DENND2A: variants seen among roughly 807,000 people sequenced by gnomAD.
The protein encoded by DENND2A is DENN domain-containing protein 2A.
Under a neutral mutation model 105.3 loss-of-function variants are expected in DENND2A, and 53 were observed. The ratio of observed to expected loss-of-function variants is 0.50; its 90% confidence interval spans 0.40 to 0.63. The LOEUF (loss-of-function observed/expected upper bound fraction) is 0.63. Ranked by LOEUF, DENND2A falls within the 30% of genes least tolerant of loss-of-function variation. The probability of loss-of-function intolerance (pLI) is 0.00; values close to 1 mark genes in which losing one functional copy is unlikely to be tolerated. For synonymous variants in DENND2A, 522 were observed against 508.4 expected (o/e 1.03, Z -0.36); for missense variants, 1,138 against 1,279.6 (o/e 0.89, Z 1.69).
At chr7:140,553,962 T>C (rs1437033960) in intron 12 of DENND2A, among the ~76,000 whole-genome samples, 2 of 152,226 alleles carry the variant, frequency 1.3e-5, no homozygotes, top group Admixed American at 1.3e-4. Flanking sequence ...ATGCAGTGGC[T>C]TGTGCCTGTA....
At chr7:140,578,512 T>A (rs1359141098) in intron 5 of DENND2A, among the ~76,000 whole-genome samples, 2 of 152,176 alleles carry the variant, frequency 1.3e-5, no homozygotes, top group Non-Finnish European at 2.9e-5. Flanking sequence ...ACATACATAT[T>A]TGCTCATATG....
chr7:140,628,881 T>A (rs1041901442), intron 1 of DENND2A, among the ~76,000 whole-genome samples: 1 of 152,098 alleles, frequency 6.6e-6, no homozygotes, highest in Admixed American at 6.6e-5. Flanking sequence ...CATTGATCAG[T>A]TTAAAACTAA....
At chr7:140,563,703 A>G (rs1201072697) in intron 9 of DENND2A, among the ~76,000 whole-genome samples, 1 of 126,718 alleles carries the variant, frequency 7.9e-6, no homozygotes, top group Non-Finnish European at 1.7e-5. Flanking sequence ...AAAAAAAAAA[A>G]AGCCAGGCAC....
chr7:140,552,236 T>A (rs1207032712), intron 12 of DENND2A, among the ~76,000 whole-genome samples: 1 of 152,180 alleles, frequency 6.6e-6, no homozygotes, highest in African/African-American at 2.4e-5. Flanking sequence ...GCACTTCTGG[T>A]GGAGGGGAGG....
In DENND2A at chr7:140,527,622, G is replaced by A; in HGVS notation, c.2328-127C>T. On this transcript the variant is annotated intron_variant, in intron 14 of 19. Transcript: ENST00000496613. This position sits in a 1 kb window ranked among gnomAD's most constrained non-coding sequence, Gnocchi z 4.9. Reference sequence around the variant, plus strand: ...GACACACGTGGATGTGGATCCGGTGGAGCACATGATGGTCTCAGCACAGGC... The same window carrying A: ...GACACACGTGGATGTGGATCCGGTGAAGCACATGATGGTCTCAGCACAGGC... The A allele has an allele frequency of 9.8e-7, 1 of 1,022,728 alleles. No individual in the cohort carries two copies. The highest frequency in any genetic ancestry group is 1.4e-6 in the Non-Finnish European group (1 of 719,380). The allele number at this position is 1,022,728 out of a possible 1,614,324, so 63.4% of individuals were successfully genotyped here.
chr7:140,589,053 A>C (rs1369825250), intron 3 of DENND2A, among the ~76,000 whole-genome samples: 1 of 151,946 alleles, frequency 6.6e-6, no homozygotes, highest in Admixed American at 6.6e-5. Context: ...TCTTATACAC[A>C]TTTTATTTAT....
chr7:140,638,092 A>G (rs902069147), intron 1 of DENND2A, among the ~76,000 whole-genome samples: 4 of 151,314 alleles, frequency 2.6e-5, no homozygotes, highest in African/African-American at 7.3e-5. Flanking sequence ...TTTCTATGTC[A>G]CTCTTCAGTC....
At position 140,527,836 on chromosome 7, in the gene DENND2A, A is replaced by T. The variant is rs2130470381; in HGVS notation, c.2328-341T>A. On this transcript the variant is annotated intron_variant, in intron 14 of 19. Coordinates refer to ENST00000496613, the MANE Select transcript of DENND2A (RefSeq NM_015689.5). This position sits in a 1 kb window ranked among gnomAD's most constrained non-coding sequence, Gnocchi z 4.9. The stretch of plus-strand genomic sequence containing the variant: ...TTATTTATTATTTATTTATTTATTT[A>T]TATTTTTAATTTTTTTGAGACGGAG... Among the ~76,000 whole-genome samples the T allele has an allele frequency of 6.6e-6, 1 of 151,692 alleles. No individual in the cohort carries two copies. Among genetic ancestry groups the T allele is most frequent in the South Asian group, 2.1e-4 (1 of 4,806 alleles).
At chr7:140,549,277 T>C (rs1177807888) in intron 12 of DENND2A, among the ~76,000 whole-genome samples, 5 of 151,756 alleles carry the variant, frequency 3.3e-5, no homozygotes, top group Admixed American at 1.3e-4. Flanking sequence ...ATTTTTTTTT[T>C]CCAGAATGAG....
intron 11 of DENND2A, among the ~76,000 whole-genome samples, chr7:140,557,532 T>TATATATATATATATATATA (rs71173208): frequency 3.5e-4 from 5 of 14,280 alleles, no homozygotes; most frequent in Non-Finnish European, 7.2e-4. Context: ...TATATATATA[T>TATATATATATATATATATA]TTTTTTTTTT....
At chr7:140,544,234 G>A in intron 14 of DENND2A, 1 of 308,652 alleles carries the variant, frequency 3.2e-6, no homozygotes, top group Non-Finnish European at 6.3e-6. Flanking sequence ...TCCCTCTGTT[G>A]CCCAAGCTGG....
chr7:140,521,996 C>T lies in DENND2A; in HGVS notation c.2770G>A (p.Glu924Lys). The T allele has an allele frequency of 6.2e-7, 1 of 1,614,196 alleles. No homozygotes were observed. The highest frequency in any genetic ancestry group is 1.1e-5 in the South Asian group (1 of 91,084). ...YSLFLTSGER[E>K]ERTLQREAFR... ...GCCTCCCGCTGCAGGGTTCTCTCCT[C>T]ACGCTCGCCCGACGTCAGGAACAAA... The change falls in exon 18 of 20, where the codon GAG (glutamate) becomes AAG (lysine). Residue 924 changes from glutamate to lysine, a missense_variant. Around this residue, in one of 2 missense-constraint regions of DENND2A, gnomAD observed 627 missense variants for 779.8 expected, o/e 0.80. Coordinates refer to ENST00000496613, the MANE Select transcript of DENND2A (RefSeq NM_015689.5).
intron 5 of DENND2A, among the ~76,000 whole-genome samples, chr7:140,584,739 A>AT (rs954417729): frequency 2.5e-4 from 38 of 151,562 alleles, no homozygotes; most frequent in African/African-American, 6.5e-4. Flanking sequence ...CCGCACAGAG[A>AT]TTTTTTTTTC....
chr7:140,601,643 C>T lies in DENND2A; in HGVS notation c.755G>A (p.Arg252Lys), dbSNP rs1350848911. The change falls in exon 3 of 20, where the codon AGG becomes AAG. Residue 252 changes from arginine to lysine, a missense_variant. By Grantham distance (26) the Arg-to-Lys change is conservative. Transcript: ENST00000496613. ...PWDRSLENVY[R>K]GSEGSPTKPF... is the part of the protein sequence containing the mutation. ...CTTTGTGGGGGAACCCTCCGAGCCC[C>T]TATACACGTTCTCAAGGCTCCGGTC... The T allele has an allele frequency of 3.1e-6, 5 of 1,613,060 alleles. No individual in the cohort carries two copies. Among genetic ancestry groups the T allele is most frequent in the Non-Finnish European group, 4.2e-6 (5 of 1,179,358 alleles).
chr7:140,606,294 C>G (rs536078489), intron 1 of DENND2A, among the ~76,000 whole-genome samples: 173 of 152,324 alleles, frequency 1.1e-3, no homozygotes, highest in African/African-American at 3.9e-3. Flanking sequence ...CCTGCCTTGG[C>G]CTTCCTAAGT....
Position 140,523,495 on chromosome 7 carries a change from C to A in DENND2A, c.2548-71G>T. The A allele has an allele frequency of 7.5e-7, 1 of 1,339,206 alleles. No individual in the cohort carries two copies. The allele number at this position is 1,339,206 out of a possible 1,614,324, so 83.0% of individuals were successfully genotyped here. A position where few individuals can be genotyped will look rare whatever the true frequency, so the allele number is the denominator to read the frequency against. ...GTCTTGGCCATAGGACACACTGGAGCCACTGCAGGGCAGGCCTGGCTCAGT... is the reference window on the plus strand; with the variant it reads ...GTCTTGGCCATAGGACACACTGGAGACACTGCAGGGCAGGCCTGGCTCAGT... On this transcript the variant is annotated intron_variant, in intron 16 of 19. Transcript: ENST00000496613. The surrounding 1 kb of genome is among the most constrained non-coding windows in gnomAD (Gnocchi z 4.5).
intron 12 of DENND2A, among the ~76,000 whole-genome samples, chr7:140,553,174 G>A (rs1797209282): frequency 6.6e-6 from 1 of 152,158 alleles, no homozygotes; most frequent in Non-Finnish European, 1.5e-5. Context: ...ATTCGTGGGC[G>A]TTTCTCCGAG....
intron 4 of DENND2A, among the ~76,000 whole-genome samples, chr7:140,586,755 T>C (rs1021663319): frequency 1.3e-5 from 2 of 152,238 alleles, no homozygotes; most frequent in African/African-American, 2.4e-5. Context: ...TGGACACAGA[T>C]GCAATTCCAA....
Position 140,602,162 on chromosome 7 carries a change from G to A in DENND2A, c.236C>T (p.Thr79Met), listed in dbSNP as rs760125345. 1.7e-5 allele frequency: 27 copies of A among 1,613,902 alleles called. No individual in the cohort carries two copies. The South Asian group carries it at 1.9e-4, about 11-fold the overall frequency. Residue 79 changes from threonine to methionine, a missense_variant, in exon 3 of 20, where the codon ACG becomes ATG. Thr to Met is a moderately conservative substitution (Grantham distance 81). Coordinates refer to ENST00000496613, the MANE Select transcript of DENND2A (RefSeq NM_015689.5). ...DGQEDYLPSSTVERRSSDGVR... is the reference protein window; with the variant it reads ...DGQEDYLPSSMVERRSSDGVR... ...CCCATCACTACTCCTCCTCTCCACC[G>A]TAGAGGACGGCAGATAATCCTCCTG...
Sources: gnomAD v4.1 joint callset for allele counts (sites outside exome capture counted in the v4.1 genomes callset) on GRCh38, gnomAD v4.1.1 for gene constraint, gnomAD v4.1.1 regional missense constraint, Gnocchi (gnomAD v3.1) non-coding constraint, MANE v1.5 for transcripts, NCBI Gene and HGNC (gene_info 2026-07-23, HGNC 2026-07-21) for gene names.